Variants in SNRPD1 observed in about 807,000 individuals in gnomAD.
SNRPD1 encodes small nuclear ribonucleoprotein D1 polypeptide, also known as small nuclear ribonucleoprotein Sm D1.
SNRPD1 carries 1 observed loss-of-function variant against 14.4 expected under a neutral mutation model. The observed-to-expected ratio is 0.07, with a 90% CI of 0.02 to 0.33. The LOEUF is 0.33. SNRPD1 is among the 10% of genes least tolerant of loss of function. SNRPD1 has a pLI of 1.00. For missense variants in SNRPD1, 52 were observed against 146.4 expected (o/e 0.36, Z 3.33); for synonymous variants, 42 against 50.3 (o/e 0.83, Z 0.70).
intron 1 of SNRPD1, among the ~76,000 whole-genome samples, chr18:21,612,672 T>G (rs1041860256): frequency 3.9e-5 from 6 of 152,272 alleles, no homozygotes; most frequent in Non-Finnish European, 8.8e-5. Flanking sequence ...GAGCCTTTTC[T>G]TCCTGCCTAG....
In SNRPD1 at chr18:21,632,889, C is replaced by A. The variant is rs1333034244; in HGVS notation, c.*3751C>A. 6.8e-6 allele frequency: 1 copy of A among 146,336 alleles called. No homozygotes were observed. Among genetic ancestry groups the A allele is most frequent in the Non-Finnish European group, 1.5e-5 (1 of 67,332 alleles). The allele number at this position is 146,336 out of a possible 1,614,324, so 9.1% of individuals were successfully genotyped here. The stretch of plus-strand genomic sequence containing the variant: ...TTTTTGAGACAGAGTCTAGCTCTGT[C>A]ACCCAGGCTGGAGTGCAGTGGTGCA... On this transcript the variant is annotated 3_prime_UTR_variant, in exon 4 of 4. Transcript: ENST00000300413.
intron 3 of SNRPD1, among the ~76,000 whole-genome samples, chr18:21,624,607 C>T (rs1488403145): frequency 6.6e-6 from 1 of 151,516 alleles, no homozygotes; most frequent in Non-Finnish European, 1.5e-5. Flanking sequence ...AGACGAATCA[C>T]TTGAACCTGG....
intron 1 of SNRPD1, among the ~76,000 whole-genome samples, chr18:21,613,715 C>T (rs1456029617): frequency 6.6e-6 from 1 of 151,760 alleles, no homozygotes; most frequent in Non-Finnish European, 1.5e-5. Flanking sequence ...GTTAGTGGGG[C>T]GTGGTGGCGC....
rs572287621 is a variant in SNRPD1 at position 21,626,688 on chromosome 18, A to G, written c.284-2374A>G. On this transcript the variant is annotated intron_variant, in intron 3 of 3. Coordinates refer to ENST00000300413, the MANE Select transcript of SNRPD1 (RefSeq NM_006938.4). ...TATAATCCCAGCTACTCGGGAGGCTAAGGCAGGGAATTGCTCGAACCTGGG... is the reference window on the plus strand; with the variant it reads ...TATAATCCCAGCTACTCGGGAGGCTGAGGCAGGGAATTGCTCGAACCTGGG... Among the ~76,000 whole-genome samples the G allele has an allele frequency of 6.0e-5, 9 of 150,710 alleles. No individual in the cohort carries two copies. The East Asian group carries it at 1.8e-3, about 30-fold the overall frequency.
chr18:21,619,271 C>A (rs2038979952), intron 1 of SNRPD1, among the ~76,000 whole-genome samples: 2 of 152,094 alleles, frequency 1.3e-5, no homozygotes, highest in African/African-American at 4.8e-5. Context: ...CCTCTGCCTC[C>A]CAGGCTCAAG....
intron 1 of SNRPD1, among the ~76,000 whole-genome samples, chr18:21,618,391 T>G (rs1376245921): frequency 6.6e-6 from 1 of 151,622 alleles, no homozygotes; most frequent in East Asian, 1.9e-4. Context: ...TTTCTACAAC[T>G]TAGTTATTTT....
chr18:21,615,050 C>A (rs141980715), intron 1 of SNRPD1, among the ~76,000 whole-genome samples: 6 of 152,202 alleles, frequency 3.9e-5, no homozygotes, highest in African/African-American at 1.4e-4. Context: ...TAACCTAAAC[C>A]CATATCAACA....
Position 21,615,706 on chromosome 18 carries a change from A to G in SNRPD1, c.14+3263A>G, listed in dbSNP as rs569298657. ...AAAGTTATGTATTTTGTTTACAACT[A>G]CGTTGAATATTCTTCAGGTTTTTGG... On this transcript the variant is annotated intron_variant, in intron 1 of 3. Coordinates refer to ENST00000300413, the MANE Select transcript of SNRPD1 (RefSeq NM_006938.4). 6.6e-5 allele frequency among the ~76,000 whole-genome samples: 10 copies of G among 152,366 alleles called. No homozygotes were observed. The South Asian group carries it at 1.9e-3, about 28-fold the overall frequency.
chr18:21,626,810 TTTG>T (rs1174230224), intron 3 of SNRPD1, among the ~76,000 whole-genome samples: 1 of 151,286 alleles, frequency 6.6e-6, no homozygotes, highest in East Asian at 1.9e-4. Context: ...AATTGTTTTG[TTTG>T]TTGTTTGTTT....
At chr18:21,616,851 TA>T (rs2038961654) in intron 1 of SNRPD1, among the ~76,000 whole-genome samples, 1 of 151,194 alleles carries the variant, frequency 6.6e-6, no homozygotes, top group Admixed American at 6.6e-5. Flanking sequence ...ATGCCTGGCT[TA>T]TTTTTTTTGT....
At chr18:21,615,615 C>T (rs1003640419) in intron 1 of SNRPD1, among the ~76,000 whole-genome samples, 95 of 147,784 alleles carry the variant, frequency 6.4e-4, no homozygotes, top group African/African-American at 2.3e-3. Context: ...GAGACTCCGT[C>T]TCAAAAAAAA....
chr18:21,612,572 T>TA (rs2146254009), intron 1 of SNRPD1, 129 bp downstream of exon 1: 1 of 630,114 alleles, frequency 1.6e-6, no homozygotes, highest in Non-Finnish European at 2.6e-6. Flanking sequence ...CGGCCGGCCT[T>TA]ACTGCGCCCG....
intron 1 of SNRPD1, among the ~76,000 whole-genome samples, chr18:21,615,246 T>G: frequency 6.6e-6 from 1 of 152,220 alleles, no homozygotes; most frequent in Non-Finnish European, 1.5e-5. Flanking sequence ...GTTTTTGAGA[T>G]TCATCCACAT....
chr18:21,625,317 T>G, intron 3 of SNRPD1, among the ~76,000 whole-genome samples: 1 of 89,088 alleles, frequency 1.1e-5, no homozygotes, highest in East Asian at 3.4e-4. Flanking sequence ...TTGAAAAAAA[T>G]TTTTTTTTTT....
Position 21,625,337 on chromosome 18 carries a change from A to G in SNRPD1, c.283+1398A>G, listed in dbSNP as rs1209862614. The stretch of plus-strand genomic sequence containing the variant: ...AAAAATTTTTTTTTTTTTTTTTGAG[A>G]TGGAGTTTCGCTCTTGTTAGCCAAG... On this transcript the variant is annotated intron_variant, in intron 3 of 3. Coordinates refer to ENST00000300413, the MANE Select transcript of SNRPD1 (RefSeq NM_006938.4). Among the ~76,000 whole-genome samples, 26 of 42,486 alleles carry G rather than the reference A, an allele frequency of 6.1e-4. No individual in the cohort carries two copies. In the African/African-American group the frequency reaches 9.3e-3, roughly 15 times the overall value. 27.9% of individuals were successfully genotyped at this position (42,486 alleles called of 152,430 possible).
At chr18:21,626,974 T>C (rs2146262172) in intron 3 of SNRPD1, among the ~76,000 whole-genome samples, 1 of 149,540 alleles carries the variant, frequency 6.7e-6, no homozygotes, top group Non-Finnish European at 1.5e-5. Context: ...AAACATTTAT[T>C]TTCTTTCTTT....
Position 21,631,690 on chromosome 18 carries a change from A to G in SNRPD1, c.*2552A>G, listed in dbSNP as rs117066915. The G allele has an allele frequency of 0.018, 2,678 of 152,110 alleles. 42 individuals carry two copies. The highest frequency in any genetic ancestry group is 0.029 in the Non-Finnish European group (1,942 of 68,042). The allele number at this position is 152,110 out of a possible 1,614,324, so 9.4% of individuals were successfully genotyped here. A position where few individuals can be genotyped will look rare whatever the true frequency, so the allele number is the denominator to read the frequency against. ...CTCATGATCTGCACGAGGCCTCCCA[A>G]TGTGCTGGGATTACAGGCGTGAGCC... On this transcript the variant is annotated 3_prime_UTR_variant, in exon 4 of 4. Transcript: ENST00000300413.
At chr18:21,616,689 CT>C (rs34166333) in intron 1 of SNRPD1, among the ~76,000 whole-genome samples, 66,730 of 135,070 alleles carry the variant, frequency 0.49, 18,548 homozygotes, top group African/African-American at 0.81. Context: ...CTCTTTAAGT[CT>C]TTTTTTTTTT....
At chr18:21,621,053 A>G (rs570794831) in intron 1 of SNRPD1, among the ~76,000 whole-genome samples, 30 of 152,098 alleles carry the variant, frequency 2.0e-4, no homozygotes, top group African/African-American at 7.2e-4. Context: ...CTGTAATCCC[A>G]GCTACTCGGG....
Sources: gnomAD v4.1 joint callset for allele counts (sites outside exome capture counted in the v4.1 genomes callset) on GRCh38, gnomAD v4.1.1 for gene constraint, MANE v1.5 for transcripts, NCBI Gene and HGNC (gene_info 2026-07-23, HGNC 2026-07-21) for gene names.